Variants in GLI2 observed in about 807,000 individuals in gnomAD.
The protein encoded by GLI2 is transcription activator GLI2.
In GLI2, 22 loss-of-function variants were observed where a neutral mutation model predicts 78.9. The ratio of observed to expected loss-of-function variants is 0.28; its 90% CI spans 0.20 to 0.40. The LOEUF (loss-of-function observed/expected upper bound fraction) is 0.40, where lower values mean the gene tolerates loss of function less well. Ranked by LOEUF, GLI2 falls within the 10% of genes least tolerant of loss-of-function variation. The probability of loss-of-function intolerance (pLI) is 1.00; values close to 1 mark genes in which losing one functional copy is unlikely to be tolerated. For missense variants in GLI2, 2,097 were observed against 2,213.2 expected (o/e 0.95, Z 1.05); for synonymous variants, 974 against 963.7 (o/e 1.01, Z -0.20).
At chr2:120,787,160 T>A (rs917157092) in intron 1 of GLI2, among the ~76,000 whole-genome samples, 1 of 150,476 alleles carries the variant, frequency 6.6e-6, no homozygotes, top group Non-Finnish European at 1.5e-5. Flanking sequence ...TCTGAGGGGG[T>A]GTCATAGTGG....
intron 2 of GLI2, among the ~76,000 whole-genome samples, chr2:120,841,793 G>T (rs1313371739): frequency 1.3e-5 from 2 of 151,744 alleles, no homozygotes; most frequent in African/African-American, 4.8e-5. Context: ...GCGTGGGCCA[G>T]TTGGGGTCTC....
chr2:120,753,197 G>A (rs1009764316), intron 1 of GLI2, among the ~76,000 whole-genome samples: 2 of 149,098 alleles, frequency 1.3e-5, no homozygotes, highest in African/African-American at 5.0e-5. Context: ...CCTGGTTCAA[G>A]GGATTCTCGT....
chr2:120,744,093 G>C (rs1022682529), intron 1 of GLI2, among the ~76,000 whole-genome samples: 1 of 152,180 alleles, frequency 6.6e-6, no homozygotes, highest in Non-Finnish European at 1.5e-5. Context: ...GACTTTCCTC[G>C]AGGCTGAAGA....
chr2:120,926,830 T>C (rs1168616774), intron 2 of GLI2, among the ~76,000 whole-genome samples: 1 of 152,226 alleles, frequency 6.6e-6, no homozygotes, highest in Admixed American at 6.5e-5. Flanking sequence ...GTCCACTTTA[T>C]ACTGCCAGCA....
chr2:120,797,620 G>A, intron 2 of GLI2, 152 bp downstream of exon 2: 1 of 743,216 alleles, frequency 1.3e-6, no homozygotes, highest in East Asian at 2.7e-5. Context: ...GGAATCCCAG[G>A]CACCATGAAG....
At chr2:120,819,156 G>A (rs1235794952) in intron 2 of GLI2, among the ~76,000 whole-genome samples, 2 of 151,788 alleles carry the variant, frequency 1.3e-5, no homozygotes, top group Non-Finnish European at 2.9e-5. Flanking sequence ...AGGAGTGAGT[G>A]ACCTCCAGAT....
At chr2:120,752,122 A>C (rs1682890733) in intron 1 of GLI2, among the ~76,000 whole-genome samples, 2 of 152,146 alleles carry the variant, frequency 1.3e-5, no homozygotes, top group South Asian at 4.2e-4. Context: ...TTATTTTTAC[A>C]CCAGTGGGAT....
chr2:120,943,927 A>G (rs1051607762), intron 3 of GLI2, among the ~76,000 whole-genome samples: 2 of 152,120 alleles, frequency 1.3e-5, no homozygotes, highest in Non-Finnish European at 2.9e-5. Flanking sequence ...CTTAAGGAAC[A>G]TGCCGGTTCT....
intron 2 of GLI2, among the ~76,000 whole-genome samples, chr2:120,878,716 C>A (rs1167405884): frequency 2.6e-5 from 4 of 152,154 alleles, no homozygotes; most frequent in Non-Finnish European, 5.9e-5. Flanking sequence ...AGGCGGATCA[C>A]AGGTCAGGAG....
At chr2:120,893,244 G>A (rs11901081) in intron 2 of GLI2, among the ~76,000 whole-genome samples, 4,276 of 152,326 alleles carry the variant, frequency 0.028, 238 homozygotes, top group African/African-American at 0.097. Context: ...ATGACGTGGA[G>A]GGAGAAGGGT....
chr2:120,840,837 G>A (rs1686834527), intron 2 of GLI2, among the ~76,000 whole-genome samples: 1 of 152,110 alleles, frequency 6.6e-6, no homozygotes. Flanking sequence ...GTTTCTCCCA[G>A]ACTCCAGGCC....
chr2:120,986,103 G>A (rs537968773), intron 12 of GLI2, among the ~76,000 whole-genome samples, 175 bp from the exon 13 acceptor site: 9 of 152,362 alleles, frequency 5.9e-5, no homozygotes, highest in Admixed American at 3.3e-4. Context: ...TGACTTGACC[G>A]TTTTAAGCAA....
At position 120,951,340 on chromosome 2, in the gene GLI2, C is replaced by T. The variant is rs940582075; in HGVS notation, c.352C>T (p.Pro118Ser). Residue 118 changes from proline (P) to serine (S), a missense_variant, in exon 4 of 14, where the codon CCC becomes TCC. This residue lies in a region of GLI2 where 578 missense variants were observed against 612.0 expected (regional missense o/e 0.94). Coordinates refer to ENST00000361492, the MANE Select transcript of GLI2 (RefSeq NM_001374353.1). ...CCCTGGGGAGTCCCCCTTCAACGCC[C>T]CCCACCCGTACGTGAACCCCCACAT... ...AGPGESPFNA[P>S]HPYVNPHMEH... is the part of the protein sequence containing the mutation. The T allele has an allele frequency of 9.5e-6, 15 of 1,583,232 alleles. No homozygotes were observed. In the African/African-American group the frequency reaches 2.0e-4, roughly 21 times the overall value.
At chr2:120,981,483 G>T (rs142534511) in intron 10 of GLI2, among the ~76,000 whole-genome samples, 11 of 152,256 alleles carry the variant, frequency 7.2e-5, no homozygotes, top group Non-Finnish European at 1.3e-4. Context: ...TTTGCAAGAT[G>T]GTTCTGGCTC....
At chr2:120,789,684 T>C (rs560599613) in intron 1 of GLI2, among the ~76,000 whole-genome samples, 1 of 152,270 alleles carries the variant, frequency 6.6e-6, no homozygotes, top group Admixed American at 6.5e-5. Context: ...TGTGCTTTTA[T>C]ACCTTTTGAC....
chr2:120,900,099 C>G (rs995503671), intron 2 of GLI2, among the ~76,000 whole-genome samples: 18 of 152,166 alleles, frequency 1.2e-4, no homozygotes, highest in African/African-American at 4.3e-4. Context: ...CTGAGGCAGG[C>G]AAGGCAGAAG....
In GLI2 at chr2:120,989,129, C is replaced by A; in HGVS notation, c.3164C>A (p.Ala1055Glu). The A allele has an allele frequency of 1.9e-6, 3 of 1,612,962 alleles. No homozygotes were observed. The highest frequency in any genetic ancestry group is 2.5e-6 in the Non-Finnish European group (3 of 1,179,950). The change falls in exon 14 of 14, where the codon GCG becomes GAG. Residue 1055 changes from alanine to glutamate, a missense_variant. Physicochemically the swap from Ala to Glu is moderately radical, Grantham distance 107. This residue lies in a region of GLI2 where 1,290 missense variants were observed against 1,261.7 expected (regional missense o/e 1.02). Transcript: ENST00000361492. Reference protein sequence around the residue: ...LPDDVVQYIKAHASGALDEGT... With the variant: ...LPDDVVQYIKEHASGALDEGT... ...GACGACGTGGTGCAGTACATCAAGG[C>A]GCACGCCAGTGGCGCTCTGGACGAG... is the stretch of plus-strand genomic sequence containing the variant.
Position 120,926,327 on chromosome 2 carries a change from G to A in GLI2, c.149-1034G>A, listed in dbSNP as rs905161656. ...CGAGGCAGATGGAGGTCAGGAGTTCGAGAGCAACCTGGCCAACATGATGAA... is the reference window on the plus strand; with the variant it reads ...CGAGGCAGATGGAGGTCAGGAGTTCAAGAGCAACCTGGCCAACATGATGAA... On this transcript the variant is annotated intron_variant, in intron 2 of 13. Coordinates refer to ENST00000361492, the MANE Select transcript of GLI2 (RefSeq NM_001374353.1). Among the ~76,000 whole-genome samples, 50 of 152,172 alleles carry A rather than the reference G, an allele frequency of 3.3e-4. 1 individual carries two copies. Among genetic ancestry groups the A allele is most frequent in the Non-Finnish European group, 6.3e-4 (43 of 68,006 alleles).
intron 2 of GLI2, among the ~76,000 whole-genome samples, chr2:120,874,447 G>T (rs754461723): frequency 6.6e-6 from 1 of 152,192 alleles, no homozygotes; most frequent in South Asian, 2.1e-4. Context: ...CCCATCAGCC[G>T]CAGCCCCCGT....
Sources: gnomAD v4.1 joint callset for allele counts (sites outside exome capture counted in the v4.1 genomes callset) on GRCh38, gnomAD v4.1.1 for gene constraint, gnomAD v4.1.1 regional missense constraint, MANE v1.5 for transcripts, NCBI Gene and HGNC (gene_info 2026-07-23, HGNC 2026-07-21) for gene names.